The following SSBP2 variants were observed in gnomAD, a reference collection of about 807,000 sequenced individuals.
SSBP2 encodes the protein single-stranded DNA-binding protein 2.
In SSBP2, 17 loss-of-function variants were observed where a neutral mutation model predicts 61.8. The observed-to-expected ratio is 0.28, with a 90% CI of 0.19 to 0.41. SSBP2 has a LOEUF of 0.41. SSBP2 is among the 10% of genes least tolerant of loss of function. SSBP2 has a pLI of 1.00. For synonymous variants in SSBP2, 139 were observed against 141.3 expected (o/e 0.98, Z 0.12); for missense variants, 310 against 458.7 (o/e 0.68, Z 2.96).
intron 4 of SSBP2, among the ~76,000 whole-genome samples, chr5:81,566,390 A>G (rs1050822326): frequency 3.9e-5 from 6 of 152,196 alleles, no homozygotes; most frequent in Non-Finnish European, 8.8e-5. Flanking sequence ...AAGTCTCACA[A>G]GACCTGACAG....
intron 15 of SSBP2, among the ~76,000 whole-genome samples, chr5:81,434,096 G>A (rs1194783778): frequency 2.0e-5 from 3 of 152,172 alleles, no homozygotes; most frequent in African/African-American, 4.8e-5. Context: ...ATTAAGTAAC[G>A]TGTCCCTGCA....
At chr5:81,537,242 C>T (rs1229199314) in intron 4 of SSBP2, among the ~76,000 whole-genome samples, 2 of 151,902 alleles carry the variant, frequency 1.3e-5, no homozygotes, top group Non-Finnish European at 2.9e-5. Flanking sequence ...GTTAACTTAC[C>T]TAAAAATCTT....
rs1453692261 is a variant in SSBP2, at chr5:81,445,138, T to TATATATATATATA, written c.778+1729_778+1730insTATATATATATAT. ...TGTCTCAGCAAAGAAAAAAAAAATTTTATATATATATATATATATATATAT... is the reference window on the plus strand; with the variant it reads ...TGTCTCAGCAAAGAAAAAAAAAATTTATATATATATATATATATATATATATATATATATATAT... On this transcript the variant is annotated intron_variant, in intron 12 of 16. Transcript: ENST00000320672. 9.1e-4 allele frequency among the ~76,000 whole-genome samples: 31 copies of TATATATATATATA among 33,880 alleles called. 5 individuals carry two copies. The highest frequency in any genetic ancestry group is 2.2e-3 in the African/African-American group (21 of 9,676). 22.2% of individuals were successfully genotyped at this position (33,880 alleles called of 152,430 possible).
chr5:81,532,956 T>C (rs1268380147), intron 4 of SSBP2, among the ~76,000 whole-genome samples: 2 of 151,954 alleles, frequency 1.3e-5, no homozygotes, highest in Non-Finnish European at 2.9e-5. Flanking sequence ...GATTTTAACA[T>C]TTCTCTCTCA....
At chr5:81,516,747 T>C (rs1443053054) in intron 4 of SSBP2, among the ~76,000 whole-genome samples, 1 of 152,060 alleles carries the variant, frequency 6.6e-6, no homozygotes, top group East Asian at 1.9e-4. Context: ...TGCTAATTTA[T>C]ATACAGTAGC....
chr5:81,732,090 T>C (rs1392500902), intron 1 of SSBP2, among the ~76,000 whole-genome samples: 1 of 152,064 alleles, frequency 6.6e-6, no homozygotes, highest in East Asian at 1.9e-4. Context: ...ATCCTAGAAA[T>C]GCTACATTAA....
chr5:81,627,738 C>T (rs763175615), intron 3 of SSBP2, among the ~76,000 whole-genome samples: 1 of 152,034 alleles, frequency 6.6e-6, no homozygotes, highest in Non-Finnish European at 1.5e-5. Context: ...TTAAAAGGTG[C>T]TCTATATTTT....
chr5:81,638,151 C>T (rs1748414794), intron 2 of SSBP2, among the ~76,000 whole-genome samples: 1 of 150,890 alleles, frequency 6.6e-6, no homozygotes, highest in African/African-American at 2.4e-5. Flanking sequence ...ATACCTAATG[C>T]TAGATGACGA....
At chr5:81,624,735 T>C (rs1429249809) in intron 3 of SSBP2, among the ~76,000 whole-genome samples, 1 of 152,230 alleles carries the variant, frequency 6.6e-6, no homozygotes, top group African/African-American at 2.4e-5. Flanking sequence ...ATGCTTGGTT[T>C]TGTGAGCTAG....
intron 4 of SSBP2, among the ~76,000 whole-genome samples, chr5:81,527,756 G>T (rs1770061824): frequency 6.6e-6 from 1 of 151,694 alleles, no homozygotes; most frequent in Non-Finnish European, 1.5e-5. Flanking sequence ...GACAAGGGGA[G>T]GAAGAGCATT....
chr5:81,682,850 C>T (rs1043114936), intron 1 of SSBP2, among the ~76,000 whole-genome samples: 1 of 152,012 alleles, frequency 6.6e-6, no homozygotes, highest in Non-Finnish European at 1.5e-5. Flanking sequence ...CAGAAAAAAT[C>T]GCTTCCCTAC....
At chr5:81,514,260 G>A (rs1051716711) in intron 4 of SSBP2, among the ~76,000 whole-genome samples, 3 of 151,740 alleles carry the variant, frequency 2.0e-5, no homozygotes, top group Admixed American at 2.0e-4. Context: ...AAGTATATAG[G>A]GTGGTGAGGA....
intron 5 of SSBP2, among the ~76,000 whole-genome samples, chr5:81,512,854 C>T (rs1204730348): frequency 2.0e-5 from 3 of 151,934 alleles, no homozygotes; most frequent in South Asian, 2.1e-4. Flanking sequence ...AGCATATTAC[C>T]TTAGGTCCTG....
intron 15 of SSBP2, among the ~76,000 whole-genome samples, chr5:81,432,856 G>T (rs1762394516): frequency 6.6e-6 from 1 of 151,028 alleles, no homozygotes; most frequent in South Asian, 2.1e-4. Context: ...GAGGTGAGGG[G>T]CGCCTCTGCC....
intron 4 of SSBP2, among the ~76,000 whole-genome samples, chr5:81,559,628 G>A (rs1389557354): frequency 6.6e-6 from 1 of 151,960 alleles, no homozygotes; most frequent in East Asian, 1.9e-4. Context: ...CTTAAATTAT[G>A]TGAGTTATTG....
intron 4 of SSBP2, among the ~76,000 whole-genome samples, chr5:81,532,938 T>C (rs1480400332): frequency 6.6e-6 from 1 of 151,970 alleles, no homozygotes; most frequent in Non-Finnish European, 1.5e-5. Flanking sequence ...TTTGCAATTA[T>C]AGGTAGAGAT....
chr5:81,491,629 A>G lies in SSBP2; in HGVS notation c.373-2320T>C, dbSNP rs556295467. ...CAGGTTACTACAAAATGAGATCAAG[A>G]GAAAGAGACAGATTCTGTTTTTAGT... On this transcript the variant is annotated intron_variant, in intron 5 of 16. Coordinates refer to ENST00000320672, the MANE Select transcript of SSBP2 (RefSeq NM_012446.5). 6.6e-5 allele frequency among the ~76,000 whole-genome samples: 10 copies of G among 152,294 alleles called. 1 individual carries two copies. The highest frequency in any genetic ancestry group is 2.2e-4 in the African/African-American group (9 of 41,570).
intron 4 of SSBP2, among the ~76,000 whole-genome samples, chr5:81,599,140 A>G (rs1744087326): frequency 1.3e-5 from 2 of 152,272 alleles, no homozygotes; most frequent in Admixed American, 1.3e-4. Flanking sequence ...GATAAGTGAA[A>G]CTGAGTCTCT....
chr5:81,706,093 T>C (rs1380176034), intron 1 of SSBP2, among the ~76,000 whole-genome samples: 1 of 152,074 alleles, frequency 6.6e-6, no homozygotes, highest in African/African-American at 2.4e-5. Flanking sequence ...GGAATCAATC[T>C]AGGTGCCCAT....
Sources: gnomAD v4.1 joint callset for allele counts (sites outside exome capture counted in the v4.1 genomes callset) on GRCh38, gnomAD v4.1.1 for gene constraint, MANE v1.5 for transcripts, NCBI Gene and HGNC (gene_info 2026-07-23, HGNC 2026-07-21) for gene names.